Variants in FN1 observed in about 807,000 individuals in gnomAD.
The protein encoded by FN1 is fibronectin.
In FN1, 106 loss-of-function variants were observed where a neutral mutation model predicts 297.3. The ratio of observed to expected loss-of-function variants is 0.36; its 90% CI spans 0.30 to 0.42. The LOEUF (loss-of-function observed/expected upper bound fraction) is 0.42, where lower values mean the gene tolerates loss of function less well. Ranked by LOEUF, FN1 falls within the 10% of genes least tolerant of loss-of-function variation. FN1 has a pLI of 1.00. For missense variants in FN1, 2,690 were observed against 3,124.9 expected (o/e 0.86, Z 3.32); for synonymous variants, 1,149 against 1,152.6 (o/e 1.00, Z 0.06).
intron 4 of FN1, among the ~76,000 whole-genome samples, 163 bp downstream of exon 4, chr2:215,431,670 A>C (rs370341032): frequency 2.6e-5 from 4 of 152,250 alleles, no homozygotes; most frequent in African/African-American, 4.8e-5. Flanking sequence ...TCCTGTAAGA[A>C]GACTATGGAT....
At chr2:215,407,486 G>A (rs1259710326) in intron 17 of FN1, among the ~76,000 whole-genome samples, 165 bp from the exon 18 acceptor site, 1 of 152,128 alleles carries the variant, frequency 6.6e-6, no homozygotes, top group Non-Finnish European at 1.5e-5. Context: ...TTCTAATAAT[G>A]ACTATTCAGC....
At chr2:215,392,063 A>G (rs1330229594) in intron 25 of FN1, 1 of 477,516 alleles carries the variant, frequency 2.1e-6, no homozygotes, top group Non-Finnish European at 3.8e-6. Flanking sequence ...ATTTTAATCT[A>G]CTTTCAAATA....
At chr2:215,405,948 T>C (rs1405218081) in intron 19 of FN1, among the ~76,000 whole-genome samples, 1 of 152,180 alleles carries the variant, frequency 6.6e-6, no homozygotes, top group Non-Finnish European at 1.5e-5. Context: ...ATATATTTAG[T>C]TACACGAAAA....
intron 34 of FN1, among the ~76,000 whole-genome samples, 176 bp from the exon 35 acceptor site, chr2:215,378,438 G>A (rs1223205174): frequency 1.3e-5 from 2 of 152,242 alleles, no homozygotes; most frequent in East Asian, 3.9e-4. Context: ...GGTGATAAAT[G>A]TATTTATCAA....
chr2:215,362,884 G>C (rs150114589), intron 44 of FN1: 15 of 152,520 alleles, frequency 9.8e-5, no homozygotes, highest in African/African-American at 3.4e-4. Context: ...GGGAAGGCAC[G>C]CGGAGCAAGA....
intron 20 of FN1, among the ~76,000 whole-genome samples, chr2:215,401,198 A>AAAAAGAAAG (rs2060989870): frequency 6.9e-5 from 6 of 86,820 alleles, no homozygotes; most frequent in African/African-American, 2.6e-4. Context: ...AGAAAGAAAG[A>AAAAAGAAAG]AAAGAAAGAA....
intron 8 of FN1, 53 bp downstream of exon 8, chr2:215,424,093 G>A: frequency 6.5e-7 from 1 of 1,541,608 alleles, no homozygotes. Context: ...AATAAAACTA[G>A]GGCATGAAAG....
At position 215,421,018 on chromosome 2, in the gene FN1, C is replaced by T. The variant is rs2064247543; in HGVS notation, c.1547-217G>A. 4.0e-5 allele frequency: 21 copies of T among 531,598 alleles called. No homozygotes were observed. In the East Asian group the frequency reaches 4.9e-4, roughly 12 times the overall value. 32.9% of individuals were successfully genotyped at this position (531,598 alleles called of 1,614,324 possible). A position where few individuals can be genotyped will look rare whatever the true frequency, so the allele number is the denominator to read the frequency against. ...ATTTTTTTCTTCCCAAAATGTGTAA[C>T]TTTTGCAGAGGTTACAGTATGCTCA... On this transcript the variant is annotated intron_variant, in intron 10 of 45. Coordinates refer to ENST00000354785, the MANE Select transcript of FN1 (RefSeq NM_212482.4).
intron 26 of FN1, 68 bp from the exon 27 acceptor site, chr2:215,388,369 G>A: frequency 2.7e-6 from 3 of 1,115,620 alleles, no homozygotes; most frequent in Non-Finnish European, 4.1e-6. Context: ...GCACGCCCAG[G>A]ACTATTTGAA....
Position 215,365,520 on chromosome 2 carries a change from A to G in FN1, c.7129T>C (p.Phe2377Leu). ...GATGACATACGAGGGTCACACTTGA[A>G]TTCTCCTTTTCCGTTCCCAAGACAT... ...CTCLGNGKGE[F>L]KCDPHEATCY... Residue 2377 changes from phenylalanine to leucine, a missense_variant, in exon 43 of 46, where the codon TTC becomes CTC. Physicochemically the swap from Phe to Leu is conservative, Grantham distance 22 (BLOSUM62 0). This residue lies in a region of FN1 where 1,743 missense variants were observed against 1,945.2 expected (regional missense o/e 0.90). Transcript: ENST00000354785. The G allele has an allele frequency of 6.2e-7, 1 of 1,614,090 alleles. No individual in the cohort carries two copies. The highest frequency in any genetic ancestry group is 1.1e-5 in the South Asian group (1 of 91,082).
At chr2:215,376,804 G>C (rs2057356771) in intron 35 of FN1, 130 bp from the exon 36 acceptor site, 1 of 750,622 alleles carries the variant, frequency 1.3e-6, no homozygotes, top group East Asian at 2.7e-5. Flanking sequence ...GTAATGTGTA[G>C]ATTATCTCCT....
At chr2:215,430,095 G>C (rs1405835769) in intron 5 of FN1, among the ~76,000 whole-genome samples, 2 of 152,154 alleles carry the variant, frequency 1.3e-5, no homozygotes, top group Non-Finnish European at 2.9e-5. Context: ...AGTTAAATGG[G>C]TTCAGCTAGA....
At chr2:215,375,483 T>A (rs1334254717) in intron 37 of FN1, 90 bp from the exon 38 acceptor site, 1 of 1,338,754 alleles carries the variant, frequency 7.5e-7, no homozygotes, top group Non-Finnish European at 1.1e-6. Flanking sequence ...TAAACACACT[T>A]AAAAGAATCT....
chr2:215,362,236 A>G (rs2053607657), intron 44 of FN1, 157 bp from the exon 45 acceptor site: 3 of 668,548 alleles, frequency 4.5e-6, no homozygotes. Context: ...TCATGCATTT[A>G]TAACTCTTAA....
intron 44 of FN1, 159 bp from the exon 45 acceptor site, chr2:215,362,238 A>G (rs1384142075): frequency 1.5e-6 from 1 of 668,606 alleles, no homozygotes; most frequent in Non-Finnish European, 2.7e-6. Context: ...ATGCATTTAT[A>G]ACTCTTAATA....
intron 4 of FN1, 40 bp downstream of exon 4, chr2:215,431,793 T>G: frequency 6.2e-7 from 1 of 1,611,930 alleles, no homozygotes; most frequent in East Asian, 2.2e-5. Flanking sequence ...ACATTAGAAC[T>G]AAGCATCCCA....
intron 44 of FN1, 158 bp from the exon 45 acceptor site, chr2:215,362,237 T>A: frequency 3.0e-6 from 2 of 668,724 alleles, no homozygotes; most frequent in Non-Finnish European, 5.4e-6. Context: ...CATGCATTTA[T>A]AACTCTTAAT....
chr2:215,380,131 G>A (rs1031973419), intron 33 of FN1: 1 of 152,328 alleles, frequency 6.6e-6, no homozygotes, highest in Admixed American at 6.5e-5. Flanking sequence ...TAAATTTGAC[G>A]TTCTCTCTGT....
Position 215,364,997 on chromosome 2 carries a change from C to T in FN1, c.7145-12G>A, listed in dbSNP as rs1236210522. 3.3e-6 allele frequency: 5 copies of T among 1,511,078 alleles called. No individual in the cohort carries two copies. In the East Asian group the frequency reaches 9.3e-5, roughly 28 times the overall value. The allele number at this position is 1,511,078 out of a possible 1,614,324, so 93.6% of individuals were successfully genotyped here. ...ACACGTTGCCTCATCTGCATATAGACACAAGACAGATGCACGCATAAGCTG... is the reference window on the plus strand; with the variant it reads ...ACACGTTGCCTCATCTGCATATAGATACAAGACAGATGCACGCATAAGCTG... On this transcript the variant is annotated splice_polypyrimidine_tract_variant and intron_variant, in intron 43 of 45. Coordinates refer to ENST00000354785, the MANE Select transcript of FN1 (RefSeq NM_212482.4).
Sources: allele counts gnomAD v4.1 joint callset (sites outside exome capture counted in the v4.1 genomes callset), GRCh38; gene constraint gnomAD v4.1.1; regional missense constraint gnomAD v4.1.1; transcripts MANE v1.5; gene names NCBI Gene and HGNC (gene_info 2026-07-23, HGNC 2026-07-21).